CCND3: variants seen among roughly 807,000 people sequenced by gnomAD.
CCND3 encodes G1/S-specific cyclin-D3.
Under a neutral mutation model 28.7 loss-of-function variants are expected in CCND3, and 9 were observed. The ratio of observed to expected loss-of-function variants is 0.31; its 90% CI spans 0.19 to 0.55. The LOEUF (loss-of-function observed/expected upper bound fraction) is 0.55. CCND3 is among the 20% of genes least tolerant of loss of function. The probability of loss-of-function intolerance (pLI) is 0.93; values close to 1 mark genes in which losing one functional copy is unlikely to be tolerated. For synonymous variants in CCND3, 164 were observed against 163.9 expected (o/e 1.00, Z 0.00); for missense variants, 315 against 385.8 (o/e 0.82, Z 1.54).
At chr6:42,002,784 G>T (rs558945039) in intron 1 of CCND3, among the ~76,000 whole-genome samples, 1 of 151,808 alleles carries the variant, frequency 6.6e-6, no homozygotes, top group East Asian at 2.0e-4. Context: ...AACCCGGGAG[G>T]CAGAGCTTGC....
intron 1 of CCND3, among the ~76,000 whole-genome samples, chr6:41,978,231 G>A (rs879615837): frequency 4.6e-5 from 7 of 151,718 alleles, no homozygotes; most frequent in Admixed American, 1.3e-4. Context: ...AAAATTAGCC[G>A]GGCACGGTGG....
intron 1 of CCND3, among the ~76,000 whole-genome samples, chr6:41,955,200 G>A (rs1435820064): frequency 1.3e-5 from 2 of 151,952 alleles, no homozygotes; most frequent in Non-Finnish European, 2.9e-5. Context: ...TATAAAGAGA[G>A]GTTCACTTCA....
At chr6:42,007,788 T>C (rs1200274129) in intron 1 of CCND3, among the ~76,000 whole-genome samples, 1 of 152,164 alleles carries the variant, frequency 6.6e-6, no homozygotes, top group African/African-American at 2.4e-5. Flanking sequence ...TTAAAGTCTA[T>C]GGGATTTTCT....
chr6:42,025,481 G>C (rs1763848191), intron 1 of CCND3, among the ~76,000 whole-genome samples: 1 of 152,180 alleles, frequency 6.6e-6, no homozygotes, highest in Admixed American at 6.5e-5. Context: ...GTTGGAGGAG[G>C]GGTGAGTGAA....
At chr6:41,967,834 G>C (rs1013995788) in intron 1 of CCND3, among the ~76,000 whole-genome samples, 1 of 152,132 alleles carries the variant, frequency 6.6e-6, no homozygotes, top group African/African-American at 2.4e-5. Context: ...GACACACCCT[G>C]GTGGTTCTAA....
intron 1 of CCND3, among the ~76,000 whole-genome samples, chr6:41,996,346 C>T (rs1343146436): frequency 2.0e-5 from 3 of 151,738 alleles, no homozygotes; most frequent in African/African-American, 7.3e-5. Flanking sequence ...GATGGGGTTT[C>T]ACCATGTTGG....
At chr6:42,009,988 C>G (rs1763294003) in intron 1 of CCND3, among the ~76,000 whole-genome samples, 1 of 152,140 alleles carries the variant, frequency 6.6e-6, no homozygotes, top group Non-Finnish European at 1.5e-5. Flanking sequence ...AGCAAACAGG[C>G]CCTCCAAGGA....
chr6:41,965,058 CTTTTTTTTTTTTTTTTT>C (rs56138276), intron 1 of CCND3, among the ~76,000 whole-genome samples: 2 of 82,094 alleles, frequency 2.4e-5, no homozygotes, highest in South Asian at 5.7e-4. Context: ...TTTCACGTTG[CTTTTTTTTTTTTTTTTT>C]TTTTTTTTTT....
chr6:41,987,318 A>G (rs1183222685), intron 1 of CCND3, among the ~76,000 whole-genome samples: 3 of 151,952 alleles, frequency 2.0e-5, no homozygotes, highest in Non-Finnish European at 4.4e-5. Flanking sequence ...GGACCCCGAT[A>G]TTGCTTCCTA....
At chr6:42,021,378 C>G (rs1255467958) in intron 1 of CCND3, among the ~76,000 whole-genome samples, 1 of 152,148 alleles carries the variant, frequency 6.6e-6, no homozygotes, top group African/African-American at 2.4e-5. Context: ...GTTGGACCAA[C>G]TTTTCCTAAG....
At chr6:42,026,850 G>A (rs573778458) in intron 1 of CCND3, among the ~76,000 whole-genome samples, 1 of 152,262 alleles carries the variant, frequency 6.6e-6, no homozygotes, top group South Asian at 2.1e-4. Context: ...AGCCATGGTG[G>A]GATGCCATCT....
At chr6:42,009,527 A>C in intron 1 of CCND3, among the ~76,000 whole-genome samples, 1 of 152,168 alleles carries the variant, frequency 6.6e-6, no homozygotes, top group Non-Finnish European at 1.5e-5. Flanking sequence ...CAAGAGAATC[A>C]CTTGAATCTG....
At chr6:42,025,875 C>T (rs1763861683) in intron 1 of CCND3, among the ~76,000 whole-genome samples, 1 of 152,186 alleles carries the variant, frequency 6.6e-6, no homozygotes, top group African/African-American at 2.4e-5. Context: ...GAACATGGTA[C>T]CCGGTGTATC....
intron 1 of CCND3, among the ~76,000 whole-genome samples, chr6:42,001,848 C>T (rs866366412): frequency 6.6e-6 from 1 of 152,128 alleles, no homozygotes; most frequent in Non-Finnish European, 1.5e-5. Context: ...GGCACGGTAG[C>T]TCATGCCTAT....
chr6:42,044,644 AC>A (rs1382490505), intron 1 of CCND3, among the ~76,000 whole-genome samples: 2 of 151,994 alleles, frequency 1.3e-5, no homozygotes, highest in Non-Finnish European at 2.9e-5. Context: ...GCCAGGGCAA[AC>A]TTTTAAATAT....
intron 1 of CCND3, among the ~76,000 whole-genome samples, chr6:41,978,923 A>C (rs1376924135): frequency 2.6e-5 from 4 of 152,182 alleles, no homozygotes; most frequent in Non-Finnish European, 5.9e-5. Context: ...CACGCCTTTA[A>C]TCCCAGCACT....
At chr6:42,021,734 C>T (rs1157217108) in intron 1 of CCND3, among the ~76,000 whole-genome samples, 1 of 152,126 alleles carries the variant, frequency 6.6e-6, no homozygotes, top group East Asian at 1.9e-4. Context: ...GAAGCAGGAA[C>T]ACCCCAGGAT....
rs2127389228 is a variant in CCND3, at chr6:41,935,953, G to T, written c.866C>A (p.Ala289Asp). 6.2e-7 allele frequency: 1 copy of T among 1,611,484 alleles called. No homozygotes were observed. The highest frequency in any genetic ancestry group is 8.5e-7 in the Non-Finnish European group (1 of 1,178,998). Residue 289 changes from alanine (A) to aspartate (D), a missense_variant, in exon 5 of 5, where the codon GCC (alanine) becomes GAC (aspartate). By Grantham distance (126) the Ala-to-Asp change is moderately radical. Transcript: ENST00000372991. ...GCCTCTCCAGGGCTACAGGTGTATGGCTGTGACATCTGTAGGAGTGCTGGT... is the reference window on the plus strand; with the variant it reads ...GCCTCTCCAGGGCTACAGGTGTATGTCTGTGACATCTGTAGGAGTGCTGGT... ...SQTSTPTDVT[A>D]IHL
intron 1 of CCND3, chr6:41,940,834 G>T: frequency 9.2e-7 from 1 of 1,084,344 alleles, no homozygotes; most frequent in South Asian, 1.2e-5. Flanking sequence ...CCTTGCTCAC[G>T]GAGGATTCCA....
Sources: gnomAD v4.1 joint callset for allele counts (sites outside exome capture counted in the v4.1 genomes callset) on GRCh38, gnomAD v4.1.1 for gene constraint, MANE v1.5 for transcripts, NCBI Gene and HGNC (gene_info 2026-07-23, HGNC 2026-07-21) for gene names.